The following ADGRB1 variants were observed in gnomAD, a reference collection of about 807,000 sequenced individuals.
The protein encoded by ADGRB1 is brain-specific angiogenesis inhibitor 1.
ADGRB1 carries 36 observed loss-of-function variants against 175.7 expected under a neutral mutation model. The observed-to-expected ratio is 0.20, with a 90% CI of 0.16 to 0.27. The LOEUF is 0.27. Among genes scored for constraint, ADGRB1 ranks in the 10% least tolerant of loss-of-function variants. The pLI is 1.00. For missense variants in ADGRB1, 1,731 were observed against 2,255.3 expected (o/e 0.77, Z 4.71); for synonymous variants, 1,054 against 979.4 (o/e 1.08, Z -1.42).
In ADGRB1 at chr8:142,543,450, T is replaced by G; in HGVS notation, c.4449+12T>G. 2 of 1,613,572 alleles carry G rather than the reference T, an allele frequency of 1.2e-6. No homozygotes were observed. Among genetic ancestry groups the G allele is most frequent in the Non-Finnish European group, 8.5e-7 (1 of 1,179,720 alleles). On this transcript the variant is annotated intron_variant, in intron 29 of 30. Transcript: ENST00000517894. The surrounding 1 kb of genome is among the most constrained non-coding windows in gnomAD (Gnocchi z 4.4). ...AACTGGACTTTGAGGTGAGTTCTGG[T>G]GTCCCCCCCCACCAGACACTTAGGG...
chr8:142,532,090 AC>A (rs1275016974), intron 24 of ADGRB1, among the ~76,000 whole-genome samples: 1 of 152,030 alleles, frequency 6.6e-6, no homozygotes, highest in East Asian at 1.9e-4. Flanking sequence ...CTGACCGCAC[AC>A]CTGGGCCCCC....
intron 1 of ADGRB1, among the ~76,000 whole-genome samples, chr8:142,454,505 C>T (rs919164307): frequency 4.6e-5 from 7 of 152,168 alleles, no homozygotes; most frequent in Non-Finnish European, 8.8e-5. Context: ...GGGGAAGGAG[C>T]GGAGGTTCAG....
In ADGRB1 at chr8:142,541,928, G is replaced by A. The variant is rs371301846; in HGVS notation, c.3707-13G>A. The A allele has an allele frequency of 2.3e-4, 348 of 1,533,886 alleles. 4 individuals carry two copies. In the East Asian group the frequency reaches 8.0e-3, roughly 35 times the overall value. On this transcript the variant is annotated splice_polypyrimidine_tract_variant and intron_variant, in intron 27 of 30. Transcript: ENST00000517894. ...CACACCTGTCCCCGCTGTCTCCCCC[G>A]CGGCCCCTGCAGTGCTGAACAAGGA... is the stretch of plus-strand genomic sequence containing the variant.
chr8:142,481,218 G>A, intron 9 of ADGRB1, 36 bp from the exon 10 acceptor site: 1 of 1,590,800 alleles, frequency 6.3e-7, no homozygotes, highest in Non-Finnish European at 8.6e-7. Flanking sequence ...GGGCCAGGCA[G>A]CGGGCATCCA....
rs553802979 is a variant in ADGRB1, at chr8:142,537,425, G to A, written c.3666+343G>A. Among the ~76,000 whole-genome samples, 15 of 152,050 alleles carry A rather than the reference G, an allele frequency of 9.9e-5. No homozygotes were observed. Among genetic ancestry groups the A allele is most frequent in the African/African-American group, 3.6e-4 (15 of 41,450 alleles). ...AGGTCCCCATCCTTACACCTCCCAGGCCCACCCTCAGTGCCCTCCATCCCC... is the reference window on the plus strand; with the variant it reads ...AGGTCCCCATCCTTACACCTCCCAGACCCACCCTCAGTGCCCTCCATCCCC... On this transcript the variant is annotated intron_variant, in intron 26 of 30. Coordinates refer to ENST00000517894, the MANE Select transcript of ADGRB1 (RefSeq NM_001702.3). This position sits in a 1 kb window ranked among gnomAD's most constrained non-coding sequence, Gnocchi z 4.6.
At chr8:142,453,950 T>C (rs1454467624) in intron 1 of ADGRB1, among the ~76,000 whole-genome samples, 2 of 151,932 alleles carry the variant, frequency 1.3e-5, no homozygotes, top group Admixed American at 6.5e-5. Context: ...GTGTGAGAAA[T>C]AGACCAGAGC....
chr8:142,465,447 C>T (rs1324919034), intron 2 of ADGRB1, among the ~76,000 whole-genome samples: 1 of 151,932 alleles, frequency 6.6e-6, no homozygotes, highest in African/African-American at 2.4e-5. Context: ...GGATGATGGT[C>T]CTGGGGACTC....
intron 17 of ADGRB1, among the ~76,000 whole-genome samples, chr8:142,499,358 A>C (rs1842375511): frequency 6.6e-6 from 1 of 152,112 alleles, no homozygotes; most frequent in African/African-American, 2.4e-5. Flanking sequence ...GCAGGTGGGC[A>C]CCGTCCTACC....
At chr8:142,513,108 A>G (rs1003186973) in intron 18 of ADGRB1, among the ~76,000 whole-genome samples, 2 of 152,192 alleles carry the variant, frequency 1.3e-5, no homozygotes, top group African/African-American at 2.4e-5. Context: ...GCCAGCAGGC[A>G]TGTTGGGTGC....
In ADGRB1 at chr8:142,511,642, C is replaced by T. The variant is rs575132088; in HGVS notation, c.2817+569C>T. 3.7e-4 allele frequency among the ~76,000 whole-genome samples: 57 copies of T among 152,300 alleles called. No individual in the cohort carries two copies. Among genetic ancestry groups the T allele is most frequent in the Middle Eastern group, 3.4e-3 (1 of 294 alleles). ...GGCTTCCTTTTTGTTCCTGTGATTC[C>T]TGTGGGGGCTGCCGGTTTCTATGGA... is the stretch of plus-strand genomic sequence containing the variant. On this transcript the variant is annotated intron_variant, in intron 18 of 30. Transcript: ENST00000517894. This position sits in a 1 kb window ranked among gnomAD's most constrained non-coding sequence, Gnocchi z 4.5.
chr8:142,496,289 T>G lies in ADGRB1; in HGVS notation c.2675+5474T>G, dbSNP rs547637047. 2.6e-5 allele frequency among the ~76,000 whole-genome samples: 4 copies of G among 151,174 alleles called. No individual in the cohort carries two copies. In the East Asian group the frequency reaches 7.8e-4, roughly 29 times the overall value. ...ATGGGTGGGTAGATGGGTGTGTGGG[T>G]GGCTGGATGTGCAGATGGAGGTATG... is the stretch of plus-strand genomic sequence containing the variant. On this transcript the variant is annotated intron_variant, in intron 17 of 30. Transcript: ENST00000517894.
intron 19 of ADGRB1, 31 bp downstream of exon 19, chr8:142,518,272 G>A: frequency 6.2e-7 from 1 of 1,608,682 alleles, no homozygotes; most frequent in East Asian, 2.2e-5. Flanking sequence ...GGGCATGCAT[G>A]TCTGTGGCTC....
intron 24 of ADGRB1, among the ~76,000 whole-genome samples, chr8:142,528,707 C>T (rs539312307): frequency 5.9e-5 from 9 of 152,274 alleles, no homozygotes; most frequent in African/African-American, 2.2e-4. Context: ...TCTGAGTCAC[C>T]TTCTGTTTGT....
chr8:142,462,956 T>G (rs2131667390), intron 1 of ADGRB1, among the ~76,000 whole-genome samples: 2 of 152,222 alleles, frequency 1.3e-5, no homozygotes, highest in Admixed American at 1.3e-4. Context: ...GCGCTGTGAG[T>G]GGGCAGTCAC....
rs1842042373 is a variant in ADGRB1 at position 142,492,818 on chromosome 8, A to G, written c.2675+2003A>G. Among the ~76,000 whole-genome samples the G allele has an allele frequency of 6.6e-6, 1 of 152,112 alleles. No individual in the cohort carries two copies. The highest frequency in any genetic ancestry group is 2.4e-5 in the African/African-American group (1 of 41,440). ...GCCCACCCCTGGGCTTTGCATTTTC[A>G]GGGGGTGGCAGTGCGGGGGCTGCAG... On this transcript the variant is annotated intron_variant, in intron 17 of 30. Transcript: ENST00000517894. This position sits in a 1 kb window ranked among gnomAD's most constrained non-coding sequence, Gnocchi z 4.4.
chr8:142,462,849 C>T (rs2131666795), intron 1 of ADGRB1, among the ~76,000 whole-genome samples: 1 of 152,302 alleles, frequency 6.6e-6, no homozygotes, highest in South Asian at 2.1e-4. Context: ...GGTCTGTAGG[C>T]AGAAGGAACT....
rs553089230 is a variant in ADGRB1 at position 142,465,528 on chromosome 8, C to G, written c.784+546C>G. 1.2e-3 allele frequency among the ~76,000 whole-genome samples: 175 copies of G among 152,034 alleles called. 2 individuals carry two copies. The highest frequency in any genetic ancestry group is 4.6e-3 in the South Asian group (22 of 4,806). ...CAGATGAGGTTTCGGGTTGAGTATGCTCTCGGTGGATGAATCACCTCTGCC... is the reference window on the plus strand; with the variant it reads ...CAGATGAGGTTTCGGGTTGAGTATGGTCTCGGTGGATGAATCACCTCTGCC... On this transcript the variant is annotated intron_variant, in intron 2 of 30. Coordinates refer to ENST00000517894, the MANE Select transcript of ADGRB1 (RefSeq NM_001702.3).
chr8:142,497,539 C>T (rs1842280610), intron 17 of ADGRB1, among the ~76,000 whole-genome samples: 2 of 152,142 alleles, frequency 1.3e-5, no homozygotes, highest in African/African-American at 4.8e-5. Context: ...ACAGAGGCCT[C>T]TTTGGTGGCC....
chr8:142,539,697 A>T, intron 27 of ADGRB1: 2 of 553,574 alleles, frequency 3.6e-6, no homozygotes, highest in Non-Finnish European at 6.5e-6. Flanking sequence ...GTGCCTGTGG[A>T]GCGCCTGGCT....
Sources: gnomAD v4.1 joint callset for allele counts (sites outside exome capture counted in the v4.1 genomes callset) on GRCh38, gnomAD v4.1.1 for gene constraint, Gnocchi (gnomAD v3.1) non-coding constraint, MANE v1.5 for transcripts, NCBI Gene and HGNC (gene_info 2026-07-23, HGNC 2026-07-21) for gene names.